ATRNL1: variants seen among roughly 807,000 people sequenced by gnomAD.
ATRNL1 encodes attractin like 1.
Under a neutral mutation model 182.7 loss-of-function variants are expected in ATRNL1, and 95 were observed. The observed-to-expected ratio is 0.52, with a 90% CI of 0.44 to 0.62. ATRNL1 has a LOEUF of 0.62. ATRNL1 is among the 20% of genes least tolerant of loss of function. ATRNL1 has a pLI of 0.00. For missense variants in ATRNL1, 1,471 were observed against 1,679.5 expected (o/e 0.88, Z 2.17); for synonymous variants, 576 against 568.3 (o/e 1.01, Z -0.19).
At chr10:115,290,299 A>G (rs548101182) in intron 15 of ATRNL1, among the ~76,000 whole-genome samples, 1 of 152,252 alleles carries the variant, frequency 6.6e-6, no homozygotes, top group African/African-American at 2.4e-5. Flanking sequence ...CTAGGGTAAT[A>G]CCCGAGGTTC....
intron 27 of ATRNL1, among the ~76,000 whole-genome samples, chr10:115,818,484 A>G (rs723471): frequency 0.72 from 108,826 of 151,994 alleles, 39,255 homozygotes; most frequent in East Asian, 0.8. Context: ...AAGGATTTTA[A>G]TCTGTATTCT....
intron 19 of ATRNL1, among the ~76,000 whole-genome samples, chr10:115,344,526 G>T (rs1295595694): frequency 6.6e-6 from 1 of 152,160 alleles, no homozygotes; most frequent in East Asian, 1.9e-4. Context: ...CCCTTTAGGG[G>T]AGTGGGCTCC....
chr10:115,303,982 C>T (rs990749348), intron 17 of ATRNL1, among the ~76,000 whole-genome samples: 1 of 152,188 alleles, frequency 6.6e-6, no homozygotes, highest in Non-Finnish European at 1.5e-5. Flanking sequence ...ATTCCTTTCT[C>T]CTAACAGCCC....
intron 19 of ATRNL1, among the ~76,000 whole-genome samples, chr10:115,366,341 C>T (rs1462818937): frequency 6.6e-6 from 1 of 151,202 alleles, no homozygotes; most frequent in Admixed American, 6.6e-5. Flanking sequence ...GGATTGCAAC[C>T]CCTGCCTTTT....
chr10:115,268,078 A>G (rs1478374435), intron 12 of ATRNL1, among the ~76,000 whole-genome samples: 1 of 152,072 alleles, frequency 6.6e-6, no homozygotes, highest in East Asian at 1.9e-4. Context: ...TGTGAATTTA[A>G]AATGTCTGTA....
intron 19 of ATRNL1, among the ~76,000 whole-genome samples, chr10:115,352,368 T>G (rs1564943573): frequency 6.6e-6 from 1 of 152,126 alleles, no homozygotes; most frequent in African/African-American, 2.4e-5. Flanking sequence ...TTGTTCTGCT[T>G]TTTTATTTTC....
At chr10:115,809,904 A>G (rs868913182) in intron 27 of ATRNL1, among the ~76,000 whole-genome samples, 29 of 152,004 alleles carry the variant, frequency 1.9e-4, no homozygotes, top group African/African-American at 4.8e-4. Flanking sequence ...GTCTTTTACC[A>G]TTAAGTATGA....
chr10:115,809,722 A>AG (rs1950003790), intron 27 of ATRNL1, among the ~76,000 whole-genome samples: 1 of 152,016 alleles, frequency 6.6e-6, no homozygotes, highest in Admixed American at 6.6e-5. Flanking sequence ...CCTATGAAAC[A>AG]ATATTGTCAT....
intron 26 of ATRNL1, among the ~76,000 whole-genome samples, chr10:115,671,066 T>C (rs1456678449): frequency 1.3e-5 from 2 of 152,094 alleles, no homozygotes; most frequent in African/African-American, 4.8e-5. Flanking sequence ...ATGCACATGC[T>C]TAGGGAGAGG....
chr10:115,404,601 T>C (rs1478550810), intron 20 of ATRNL1, among the ~76,000 whole-genome samples: 1 of 152,224 alleles, frequency 6.6e-6, no homozygotes, highest in African/African-American at 2.4e-5. Flanking sequence ...TTAAGGTTGC[T>C]TGCTAGAGTT....
rs1033017020 is a variant in ATRNL1, at chr10:115,370,881, C to T, written c.3176-23778C>T. On this transcript the variant is annotated intron_variant, in intron 19 of 28. Transcript: ENST00000355044. ...GGGAACTTTCTGGCAGGCTTTCCAA[C>T]CACAGGCCAGGAGGCCTAGGAGGAA... Among the ~76,000 whole-genome samples, 6 of 152,274 alleles carry T rather than the reference C, an allele frequency of 3.9e-5. 1 individual carries two copies. In the South Asian group the frequency reaches 1.2e-3, roughly 32 times the overall value.
intron 28 of ATRNL1, among the ~76,000 whole-genome samples, chr10:115,849,409 T>G (rs1445205788): frequency 6.6e-6 from 1 of 152,142 alleles, no homozygotes; most frequent in African/African-American, 2.4e-5. Context: ...TGAAAACAAG[T>G]CTGTGTGATA....
At chr10:115,656,291 A>G (rs1860325275) in intron 26 of ATRNL1, among the ~76,000 whole-genome samples, 1 of 152,208 alleles carries the variant, frequency 6.6e-6, no homozygotes, top group Admixed American at 6.5e-5. Flanking sequence ...GTTTTGATAT[A>G]ATATTAAAGA....
intron 26 of ATRNL1, among the ~76,000 whole-genome samples, chr10:115,558,063 A>G (rs1853425336): frequency 1.2e-5 from 1 of 83,528 alleles, no homozygotes; most frequent in Non-Finnish European, 3.0e-5. Context: ...AAAACAAAAA[A>G]ACAAAAAAAA....
In ATRNL1 at chr10:115,598,349, A is replaced by AGTT. The variant is rs60415643; in HGVS notation, c.3795+48813_3795+48814insGTT. Among the ~76,000 whole-genome samples, 6 of 140,564 alleles carry AGTT rather than the reference A, an allele frequency of 4.3e-5. No individual in the cohort carries two copies. The South Asian group carries it at 1.4e-3, about 34-fold the overall frequency. 92.2% of individuals were successfully genotyped at this position (140,564 alleles called of 152,430 possible). The stretch of plus-strand genomic sequence containing the variant: ...ACATTTTACATTATTTATTTAAAAA[A>AGTT]ATTATTTATTTATTTATTTATTTAT... On this transcript the variant is annotated intron_variant, in intron 26 of 28. Coordinates refer to ENST00000355044, the MANE Select transcript of ATRNL1 (RefSeq NM_207303.4).
At chr10:115,536,085 C>G (rs1007716591) in intron 25 of ATRNL1, among the ~76,000 whole-genome samples, 1 of 152,112 alleles carries the variant, frequency 6.6e-6, no homozygotes, top group Non-Finnish European at 1.5e-5. Flanking sequence ...AGGAGGCAGT[C>G]TGCCCGTTCT....
intron 26 of ATRNL1, among the ~76,000 whole-genome samples, chr10:115,575,748 G>C (rs1275851773): frequency 6.6e-6 from 1 of 151,286 alleles, no homozygotes; most frequent in African/African-American, 2.4e-5. Flanking sequence ...ACCTTTTTTT[G>C]TGGTAAGAGC....
intron 27 of ATRNL1, among the ~76,000 whole-genome samples, chr10:115,731,337 C>A (rs1947791867): frequency 6.6e-6 from 1 of 152,142 alleles, no homozygotes; most frequent in Non-Finnish European, 1.5e-5. Context: ...GGAGAGGGAA[C>A]AAATGACTCA....
At position 115,287,257 on chromosome 10, in the gene ATRNL1, A is replaced by C. The variant is rs574013247; in HGVS notation, c.2415+860A>C. Among the ~76,000 whole-genome samples, 144 of 152,168 alleles carry C rather than the reference A, an allele frequency of 9.5e-4. 1 individual carries two copies. Among genetic ancestry groups the C allele is most frequent in the African/African-American group, 3.3e-3 (139 of 41,574 alleles). ...TTCTCATGTGTAAACTGGCATAATA[A>C]TCATGGCTACTTCATATGTTTATTG... On this transcript the variant is annotated intron_variant, in intron 15 of 28. Transcript: ENST00000355044.
Sources: gnomAD v4.1 joint callset for allele counts (sites outside exome capture counted in the v4.1 genomes callset) on GRCh38, gnomAD v4.1.1 for gene constraint, MANE v1.5 for transcripts, NCBI Gene and HGNC (gene_info 2026-07-23, HGNC 2026-07-21) for gene names.